Variants in DPP10 observed in about 807,000 individuals in gnomAD.
DPP10 encodes the protein dipeptidyl peptidase like 10.
In DPP10, 33 loss-of-function variants were observed where a neutral mutation model predicts 120.9. That is an observed-to-expected ratio of 0.27 (90% CI 0.21 to 0.37). DPP10 has a LOEUF of 0.37. DPP10 is among the 10% of genes least tolerant of loss of function. The pLI, the probability that DPP10 is intolerant of heterozygous loss-of-function variation, is 1.00. For missense variants in DPP10, 816 were observed against 942.8 expected (o/e 0.87, Z 1.76); for synonymous variants, 337 against 326.1 (o/e 1.03, Z -0.36).
chr2:115,419,669 AAAGT>A (rs1272542720), intron 3 of DPP10, among the ~76,000 whole-genome samples: 1 of 152,196 alleles, frequency 6.6e-6, no homozygotes, highest in Non-Finnish European at 1.5e-5. Flanking sequence ...CCAATTTATT[AAAGT>A]AAGTTTTCAA....
At chr2:114,786,073 G>A (rs1394917526) in intron 1 of DPP10, among the ~76,000 whole-genome samples, 1 of 152,164 alleles carries the variant, frequency 6.6e-6, no homozygotes, top group Non-Finnish European at 1.5e-5. Context: ...TGGAGAACAA[G>A]AGCAGCAGCT....
chr2:114,713,597 A>C (rs1328837371), intron 1 of DPP10, among the ~76,000 whole-genome samples: 1 of 152,210 alleles, frequency 6.6e-6, no homozygotes, highest in African/African-American at 2.4e-5. Flanking sequence ...TCAATGATAT[A>C]TGATCCAAGA....
intron 1 of DPP10, among the ~76,000 whole-genome samples, chr2:115,006,768 T>G (rs369874268): frequency 4.4e-4 from 67 of 151,120 alleles, no homozygotes; most frequent in African/African-American, 1.3e-3. Context: ...CATTAATAAT[T>G]GGAGACTTTA....
chr2:115,310,767 CA>C (rs577271021), intron 2 of DPP10, among the ~76,000 whole-genome samples: 88 of 152,266 alleles, frequency 5.8e-4, no homozygotes, highest in African/African-American at 2.0e-3. Context: ...CACTTAAACA[CA>C]AGAAGTTTAA....
intron 1 of DPP10, chr2:114,462,114 G>A (rs1678968047): frequency 1.0e-6 from 1 of 985,266 alleles, no homozygotes. Flanking sequence ...AGCTTTCTTG[G>A]AATGAAACAT....
chr2:115,044,262 G>A (rs1559029273), intron 1 of DPP10, among the ~76,000 whole-genome samples: 2 of 152,122 alleles, frequency 1.3e-5, no homozygotes, highest in African/African-American at 2.4e-5. Flanking sequence ...AATCATTGTA[G>A]AAGGTGAAGG....
intron 1 of DPP10, among the ~76,000 whole-genome samples, chr2:115,009,623 T>C (rs1311410449): frequency 6.7e-6 from 1 of 149,606 alleles, no homozygotes; most frequent in Non-Finnish European, 1.5e-5. Context: ...TTTAAAGTAA[T>C]GGATATCCCT....
At chr2:115,333,087 C>G (rs2062859421) in intron 2 of DPP10, among the ~76,000 whole-genome samples, 1 of 151,670 alleles carries the variant, frequency 6.6e-6, no homozygotes, top group Non-Finnish European at 1.5e-5. Context: ...TAAGGACTTG[C>G]TTTATGAATC....
At chr2:115,838,116 C>T (rs1025695593) in intron 24 of DPP10, among the ~76,000 whole-genome samples, 12 of 152,102 alleles carry the variant, frequency 7.9e-5, no homozygotes, top group East Asian at 1.9e-4. Flanking sequence ...TCCAGGAACT[C>T]TGTACTATCT....
At chr2:114,945,516 A>G (rs1441290255) in intron 1 of DPP10, among the ~76,000 whole-genome samples, 3 of 152,192 alleles carry the variant, frequency 2.0e-5, no homozygotes, top group Non-Finnish European at 4.4e-5. Flanking sequence ...ATTGCAAATT[A>G]AAACATTTGT....
At chr2:114,531,338 A>C (rs1685962666) in intron 1 of DPP10, among the ~76,000 whole-genome samples, 1 of 152,068 alleles carries the variant, frequency 6.6e-6, no homozygotes, top group South Asian at 2.1e-4. Context: ...ACTTCTAAAA[A>C]GTACTGCTTA....
chr2:115,186,523 A>G (rs901978853), intron 1 of DPP10, among the ~76,000 whole-genome samples: 5 of 152,184 alleles, frequency 3.3e-5, no homozygotes, highest in African/African-American at 9.6e-5. Flanking sequence ...GGTGAGTCAA[A>G]GAAGTCTTCC....
intron 21 of DPP10, among the ~76,000 whole-genome samples, chr2:115,828,340 T>C (rs954231723): frequency 1.6e-4 from 25 of 152,154 alleles, no homozygotes; most frequent in Non-Finnish European, 3.5e-4. Flanking sequence ...CATTGTGATA[T>C]GCCTTGGTAT....
chr2:115,316,816 C>T (rs981842011), intron 2 of DPP10, among the ~76,000 whole-genome samples: 3 of 152,016 alleles, frequency 2.0e-5, no homozygotes, highest in African/African-American at 7.3e-5. Context: ...TCCATAAAAG[C>T]GAGAGTTATG....
chr2:115,035,261 T>C (rs1161254761), intron 1 of DPP10, among the ~76,000 whole-genome samples: 1 of 152,220 alleles, frequency 6.6e-6, no homozygotes, highest in Non-Finnish European at 1.5e-5. Context: ...CCTACCTAGC[T>C]CCCTGTACAC....
intron 1 of DPP10, among the ~76,000 whole-genome samples, chr2:114,788,641 C>G (rs1369403709): frequency 6.6e-6 from 1 of 152,056 alleles, no homozygotes; most frequent in Non-Finnish European, 1.5e-5. Context: ...AGAACATGTA[C>G]ATTTCTAATG....
At chr2:115,792,018 A>G (rs1395063420) in intron 19 of DPP10, among the ~76,000 whole-genome samples, 1 of 152,186 alleles carries the variant, frequency 6.6e-6, no homozygotes. Flanking sequence ...GTCTAAAATT[A>G]TATCTTTAGA....
At chr2:115,219,191 G>A (rs2057001154) in intron 1 of DPP10, among the ~76,000 whole-genome samples, 5 of 152,096 alleles carry the variant, frequency 3.3e-5, no homozygotes. Context: ...GTAAACACAT[G>A]CTCATAACAT....
chr2:114,996,609 A>C (rs536369988), intron 1 of DPP10, among the ~76,000 whole-genome samples: 1 of 152,268 alleles, frequency 6.6e-6, no homozygotes, highest in South Asian at 2.1e-4. Flanking sequence ...AGCATTTTGA[A>C]TACACAGTTT....
Sources: gnomAD v4.1 joint callset for allele counts (sites outside exome capture counted in the v4.1 genomes callset) on GRCh38, gnomAD v4.1.1 for gene constraint, MANE v1.5 for transcripts, NCBI Gene and HGNC (gene_info 2026-07-23, HGNC 2026-07-21) for gene names.